OR8B3: variants seen among roughly 807,000 people sequenced by gnomAD.
The protein encoded by OR8B3 is olfactory receptor 8B3.
For missense variants in OR8B3, 278 were observed against 377.6 expected (o/e 0.74, Z 2.19); for synonymous variants, 102 against 135.4 (o/e 0.75, Z 1.71).
upstream of OR8B3, among the ~76,000 whole-genome samples, chr11:124,403,360 G>T (rs1215140266): frequency 1.1e-4 from 16 of 151,872 alleles, no homozygotes; most frequent in Non-Finnish European, 4.4e-5. Context: ...CCCAGACGGG[G>T]CGGCTGCCGG....
intron 1 of OR8B3, among the ~76,000 whole-genome samples, chr11:124,397,949 C>A (rs1338462952): frequency 6.6e-6 from 1 of 152,158 alleles, no homozygotes; most frequent in African/African-American, 2.4e-5. Flanking sequence ...CCTGCCTCAG[C>A]CTCCCAAAGT....
At chr11:124,406,650 C>T in the OR8B3 span, among the ~76,000 whole-genome samples, 1 of 152,116 alleles carries the variant, frequency 6.6e-6, no homozygotes, top group Admixed American at 6.6e-5. Flanking sequence ...GAGAAGCTAT[C>T]TCTTCAAAAT....
the OR8B3 span, among the ~76,000 whole-genome samples, chr11:124,408,810 A>T: frequency 6.6e-6 from 1 of 152,134 alleles, no homozygotes; most frequent in African/African-American, 2.4e-5. Flanking sequence ...ATTTACCATT[A>T]CCATGGCAAT....
At chr11:124,408,857 A>G in the OR8B3 span, among the ~76,000 whole-genome samples, 2 of 152,176 alleles carry the variant, frequency 1.3e-5, no homozygotes, top group East Asian at 3.8e-4. Flanking sequence ...AAATTTCTGA[A>G]TAACTTGTCT....
At chr11:124,405,075 C>T in the OR8B3 span, 5 of 151,884 alleles carry the variant, frequency 3.3e-5, no homozygotes, top group Non-Finnish European at 7.3e-5. Context: ...TAAATTCAGT[C>T]ACCGAAGAGT....
the OR8B3 span, chr11:124,405,169 G>A: frequency 6.6e-6 from 1 of 152,128 alleles, no homozygotes; most frequent in Non-Finnish European, 1.5e-5. Context: ...CTCCCTCTTT[G>A]TCCCTAGAGG....
rs1374219396 is a variant in OR8B3, at chr11:124,396,409, A to T, written c.*1T>A. Reference sequence around the variant, plus strand: ...TCGTTTTACATTATTACTGCTTCTAATTAGAATATATTTCTTCTCTGAATT... The same window carrying T: ...TCGTTTTACATTATTACTGCTTCTATTTAGAATATATTTCTTCTCTGAATT... On this transcript the variant is annotated 3_prime_UTR_variant, in exon 2 of 2. Transcript: ENST00000641139. 1 of 1,592,016 alleles carries T rather than the reference A, an allele frequency of 6.3e-7. No individual in the cohort carries two copies. The highest frequency in any genetic ancestry group is 2.2e-5 in the East Asian group (1 of 44,744).
At chr11:124,403,106 A>T (rs1861022681), upstream of OR8B3, among the ~76,000 whole-genome samples, 2 of 152,228 alleles carry the variant, frequency 1.3e-5, no homozygotes, top group Admixed American at 6.5e-5. Flanking sequence ...TTTAACCCTG[A>T]GTGGACACAG....
Position 124,396,335 on chromosome 11 carries a change from A to T in OR8B3, c.*75T>A, listed in dbSNP as rs762216608. 7.8e-5 allele frequency: 98 copies of T among 1,262,430 alleles called. No individual in the cohort carries two copies. Among genetic ancestry groups the T allele is most frequent in the Non-Finnish European group, 1.0e-4 (92 of 920,948 alleles). The allele number at this position is 1,262,430 out of a possible 1,614,324, so 78.2% of individuals were successfully genotyped here. Reference sequence around the variant, plus strand: ...CACACATAACACCATCTGTAGAAACAACAAAATCTCTTCATGGAACACACT... The same window carrying T: ...CACACATAACACCATCTGTAGAAACTACAAAATCTCTTCATGGAACACACT... On this transcript the variant is annotated 3_prime_UTR_variant, in exon 2 of 2. Transcript: ENST00000641139.
At chr11:124,404,742 G>A in the OR8B3 span, 12 of 152,064 alleles carry the variant, frequency 7.9e-5, no homozygotes, top group South Asian at 2.1e-4. Flanking sequence ...ATTATCTCTC[G>A]GCTACAAGCA....
upstream of OR8B3, among the ~76,000 whole-genome samples, chr11:124,401,230 G>GAGAGAGAT (rs1860989660): frequency 6.6e-6 from 1 of 151,812 alleles, no homozygotes; most frequent in African/African-American, 2.4e-5. Flanking sequence ...GACAGAGAGA[G>GAGAGAGAT]AGAGAGAGAG....
chr11:124,401,239 A>AGAGAGG (rs1321177325), upstream of OR8B3, among the ~76,000 whole-genome samples: 1 of 151,914 alleles, frequency 6.6e-6, no homozygotes, highest in East Asian at 1.9e-4. Flanking sequence ...AGAGAGAGAG[A>AGAGAGG]GAGAGAGAGA....
upstream of OR8B3, among the ~76,000 whole-genome samples, chr11:124,401,728 G>T (rs545853771): frequency 2.3e-4 from 35 of 152,344 alleles, no homozygotes; most frequent in Middle Eastern, 3.4e-3. Flanking sequence ...AGAATATATG[G>T]AGAGAAGTAT....
upstream of OR8B3, among the ~76,000 whole-genome samples, chr11:124,399,855 A>G (rs1182452411): frequency 3.3e-5 from 5 of 151,508 alleles, no homozygotes; most frequent in Non-Finnish European, 5.9e-5. Context: ...TATTTATGTA[A>G]CCACCACCTA....
At chr11:124,398,179 T>C (rs1487301279) in intron 1 of OR8B3, among the ~76,000 whole-genome samples, 1 of 152,170 alleles carries the variant, frequency 6.6e-6, no homozygotes, top group Non-Finnish European at 1.5e-5. Context: ...CACCAGGTGA[T>C]AACAGAAGAC....
upstream of OR8B3, among the ~76,000 whole-genome samples, chr11:124,401,442 A>C (rs1860994670): frequency 6.6e-6 from 1 of 152,218 alleles, no homozygotes; most frequent in Non-Finnish European, 1.5e-5. Context: ...AATCATCATC[A>C]ATGAGAAATT....
the OR8B3 span, chr11:124,405,180 G>A: frequency 6.6e-6 from 1 of 152,186 alleles, no homozygotes; most frequent in Admixed American, 6.5e-5. Context: ...TCCCTAGAGG[G>A]AGAGCTGGAT....
intron 1 of OR8B3, among the ~76,000 whole-genome samples, chr11:124,398,385 T>G (rs1252229050): frequency 6.6e-6 from 1 of 152,230 alleles, no homozygotes; most frequent in Non-Finnish European, 1.5e-5. Context: ...TTGTAAAATT[T>G]TACCAAACTG....
At chr11:124,402,055 A>G (rs1214932134), upstream of OR8B3, among the ~76,000 whole-genome samples, 1 of 152,218 alleles carries the variant, frequency 6.6e-6, no homozygotes, top group Non-Finnish European at 1.5e-5. Context: ...AAAGCATACC[A>G]TCAGATACTC....
Sources: gnomAD v4.1 joint callset for allele counts (sites outside exome capture counted in the v4.1 genomes callset) on GRCh38, gnomAD v4.1.1 for gene constraint, MANE v1.5 for transcripts, NCBI Gene and HGNC (gene_info 2026-07-23, HGNC 2026-07-21) for gene names.